Variants in BMPR2 observed in about 807,000 individuals in gnomAD.
BMPR2 encodes bone morphogenetic protein receptor type-2.
A neutral mutation model predicts 100.8 loss-of-function variants in BMPR2; 29 were observed. That is an observed-to-expected ratio of 0.29 (90% CI 0.21 to 0.39). The LOEUF (loss-of-function observed/expected upper bound fraction) is 0.39, where lower values mean the gene tolerates loss of function less well. Ranked by LOEUF, BMPR2 falls within the 10% of genes least tolerant of loss-of-function variation. The probability of loss-of-function intolerance (pLI) is 1.00; values close to 1 mark genes in which losing one functional copy is unlikely to be tolerated. For synonymous variants in BMPR2, 382 were observed against 442.3 expected, an observed-to-expected ratio of 0.86 and a Z score of 1.71; for missense variants, 1,011 against 1,274.5, an observed-to-expected ratio of 0.79 and a Z score of 3.15.
At chr2:202,450,691 C>CAAAAAAAAAAAAAAAAAAA (rs761806972) in intron 1 of BMPR2, among the ~76,000 whole-genome samples, 1 of 41,232 alleles carries the variant, frequency 2.4e-5, no homozygotes. Flanking sequence ...AACTCCATCT[C>CAAAAAAAAAAAAAAAAAAA]AAAAAAAAAA....
intron 1 of BMPR2, among the ~76,000 whole-genome samples, chr2:202,389,719 G>A (rs1272821031): frequency 6.7e-6 from 1 of 150,158 alleles, no homozygotes; most frequent in Non-Finnish European, 1.5e-5. Flanking sequence ...TTGGCTCACC[G>A]CAACCTCCGC....
intron 3 of BMPR2, chr2:202,505,095 G>T: frequency 6.0e-6 from 1 of 165,824 alleles, no homozygotes; most frequent in Non-Finnish European, 1.3e-5. Context: ...TCTTCAAAAA[G>T]GCCAACCAGA....
chr2:202,537,439 G>A (rs960106397), intron 9 of BMPR2, among the ~76,000 whole-genome samples: 17 of 152,234 alleles, frequency 1.1e-4, no homozygotes, highest in African/African-American at 4.1e-4. Flanking sequence ...ATTAAATCTT[G>A]TTTTCAGAAG....
chr2:202,404,566 T>C (rs1690845914), intron 1 of BMPR2, among the ~76,000 whole-genome samples: 1 of 152,206 alleles, frequency 6.6e-6, no homozygotes, highest in Non-Finnish European at 1.5e-5. Context: ...TAGTTTATTT[T>C]ATGAATTAAT....
rs77561432 is a variant in BMPR2 at position 202,544,156 on chromosome 2, A to C, written c.1413+1709A>C. On this transcript the variant is annotated intron_variant, in intron 10 of 12. Transcript: ENST00000374580. ...GACCCCATCTCAAAAAAAAACAAAA[A>C]AAAATTTGAAAAGTCATCATCAAAT... Among the ~76,000 whole-genome samples the C allele has an allele frequency of 6.3e-3, 956 of 152,252 alleles. 13 individuals are homozygous for C. Among genetic ancestry groups the C allele is most frequent in the African/African-American group, 0.021 (892 of 41,550 alleles).
intron 7 of BMPR2, among the ~76,000 whole-genome samples, chr2:202,527,851 A>T (rs1396491407): frequency 2.0e-5 from 3 of 151,960 alleles, no homozygotes; most frequent in African/African-American, 7.3e-5. Context: ...CCAAGTACAG[A>T]TGTTTCTTGA....
chr2:202,387,415 T>A (rs182365475), intron 1 of BMPR2, among the ~76,000 whole-genome samples: 1 of 152,330 alleles, frequency 6.6e-6, no homozygotes, highest in Admixed American at 6.5e-5. Context: ...GTAAACTGAG[T>A]AAGTGGGACA....
At chr2:202,406,278 TA>T (rs1690889237) in intron 1 of BMPR2, among the ~76,000 whole-genome samples, 1 of 152,202 alleles carries the variant, frequency 6.6e-6, no homozygotes, top group Admixed American at 6.5e-5. Flanking sequence ...GTGTTCCGAG[TA>T]AGTTGTAGCC....
chr2:202,400,388 G>A lies in BMPR2; in HGVS notation c.76+22838G>A, dbSNP rs1230767087. 4.6e-5 allele frequency among the ~76,000 whole-genome samples: 7 copies of A among 151,406 alleles called. No individual in the cohort carries two copies. The South Asian group carries it at 1.3e-3, about 27-fold the overall frequency. ...TGGTCTTGAACTCCTGGCTTCAAGAGGATCTTCCTGCCTTGGCCTCCAAAA... is the reference window on the plus strand; with the variant it reads ...TGGTCTTGAACTCCTGGCTTCAAGAAGATCTTCCTGCCTTGGCCTCCAAAA... On this transcript the variant is annotated intron_variant, in intron 1 of 12. Transcript: ENST00000374580.
chr2:202,518,787 A>G, intron 5 of BMPR2, 35 bp from the exon 6 acceptor site: 1 of 1,514,824 alleles, frequency 6.6e-7, no homozygotes, highest in Non-Finnish European at 9.2e-7. Context: ...TTCAATTGTG[A>G]TATTAATACC....
rs892335018 is a variant in BMPR2, at chr2:202,503,419, G to C, written c.419-10300G>C. Among the ~76,000 whole-genome samples the C allele has an allele frequency of 6.6e-6, 1 of 152,242 alleles. No homozygotes were observed. The highest frequency in any genetic ancestry group is 1.9e-4 in the East Asian group (1 of 5,190). Reference sequence around the variant, plus strand: ...AGCAGGAACCGGGGCGGCGTGCCGCGCTTGCGGGCCAGCCGGAGTTCCGGT... The same window carrying C: ...AGCAGGAACCGGGGCGGCGTGCCGCCCTTGCGGGCCAGCCGGAGTTCCGGT... On this transcript the variant is annotated intron_variant, in intron 3 of 12. Coordinates refer to ENST00000374580, the MANE Select transcript of BMPR2 (RefSeq NM_001204.7). The surrounding 1 kb of genome is among the most constrained non-coding windows in gnomAD (Gnocchi z 4.0).
intron 3 of BMPR2, among the ~76,000 whole-genome samples, chr2:202,488,864 T>C (rs867529317): frequency 1.3e-5 from 2 of 152,160 alleles, no homozygotes; most frequent in South Asian, 4.1e-4. Context: ...AAACTGAAAC[T>C]CTATACCCAT....
rs936489737 is a variant in BMPR2, at chr2:202,434,691, T to G, written c.77-30118T>G. Among the ~76,000 whole-genome samples the G allele has an allele frequency of 2.7e-5, 4 of 148,272 alleles. No individual in the cohort carries two copies. In the East Asian group the frequency reaches 7.7e-4, roughly 29 times the overall value. On this transcript the variant is annotated intron_variant, in intron 1 of 12. Coordinates refer to ENST00000374580, the MANE Select transcript of BMPR2 (RefSeq NM_001204.7). ...CTGGAGTGCAGTGGCTGGCACAATC[T>G]TGGCTCACTGCAACCTTGACCTCTG...
chr2:202,517,886 C>T (rs1367706062), intron 5 of BMPR2, among the ~76,000 whole-genome samples: 1 of 149,580 alleles, frequency 6.7e-6, no homozygotes, highest in East Asian at 2.0e-4. Flanking sequence ...GACCTCGGCT[C>T]ACTGCAAGCT....
chr2:202,458,307 A>AAAAAAAAAAG (rs1692162999), intron 1 of BMPR2, among the ~76,000 whole-genome samples: 1 of 141,790 alleles, frequency 7.1e-6, no homozygotes. Flanking sequence ...AAAAAAAAAA[A>AAAAAAAAAAG]ACGCACACAA....
chr2:202,448,457 TAAAAATA>T (rs1263413969), intron 1 of BMPR2, among the ~76,000 whole-genome samples: 2 of 139,160 alleles, frequency 1.4e-5, no homozygotes, highest in Non-Finnish European at 3.1e-5. Flanking sequence ...AAAAAAAAAA[TAAAAATA>T]AAAAATAAAA....
At chr2:202,403,937 G>A (rs979783229) in intron 1 of BMPR2, among the ~76,000 whole-genome samples, 1 of 151,634 alleles carries the variant, frequency 6.6e-6, no homozygotes, top group Non-Finnish European at 1.5e-5. Flanking sequence ...CCTGGGAGGC[G>A]GAGGTTGTGG....
intron 1 of BMPR2, among the ~76,000 whole-genome samples, chr2:202,423,104 G>T (rs1691303035): frequency 6.6e-6 from 1 of 152,142 alleles, no homozygotes; most frequent in African/African-American, 2.4e-5. Context: ...GGCCAGGCTG[G>T]TCTTGAACTC....
At chr2:202,420,095 C>G (rs1183190272) in intron 1 of BMPR2, among the ~76,000 whole-genome samples, 1 of 152,008 alleles carries the variant, frequency 6.6e-6, no homozygotes, top group Non-Finnish European at 1.5e-5. Context: ...ATGCTTTTAT[C>G]CCTTCCATTT....
Sources: gnomAD v4.1 joint callset for allele counts (sites outside exome capture counted in the v4.1 genomes callset) on GRCh38, gnomAD v4.1.1 for gene constraint, Gnocchi (gnomAD v3.1) non-coding constraint, MANE v1.5 for transcripts, NCBI Gene and HGNC (gene_info 2026-07-23, HGNC 2026-07-21) for gene names.